RASGRP3: variants seen among roughly 807,000 people sequenced by gnomAD.
The protein encoded by RASGRP3 is RAS guanyl releasing protein 3.
A neutral mutation model predicts 82.7 loss-of-function variants in RASGRP3; 54 were observed. The observed-to-expected ratio is 0.65, with a 90% confidence interval of 0.52 to 0.82. The LOEUF (loss-of-function observed/expected upper bound fraction) is 0.82. Among genes scored for constraint, RASGRP3 ranks in the 40% least tolerant of loss-of-function variants. The pLI is 0.00. For missense variants in RASGRP3, 861 were observed against 828.9 expected (o/e 1.04, Z -0.48); for synonymous variants, 309 against 300.5 (o/e 1.03, Z -0.29).
chr2:33,553,053 C>G (rs1675523157), intron 14 of RASGRP3, among the ~76,000 whole-genome samples: 1 of 152,054 alleles, frequency 6.6e-6, no homozygotes, highest in Admixed American at 6.6e-5. Flanking sequence ...ATTAGCAAAC[C>G]TACCTCCCCA....
intron 2 of RASGRP3, among the ~76,000 whole-genome samples, chr2:33,468,143 G>T (rs1375290570): frequency 6.6e-6 from 1 of 150,850 alleles, no homozygotes; most frequent in African/African-American, 2.4e-5. Context: ...ATTTTAAAAA[G>T]ATCTCATTAA....
At chr2:33,436,356 C>G (rs1027066300) in exon 1 of RASGRP3, 1 of 152,202 alleles carries the variant, frequency 6.6e-6, no homozygotes, top group African/African-American at 2.4e-5. Flanking sequence ...TCATTGAGCT[C>G]AAAGCTTAGC....
chr2:33,465,991 G>T (rs562087992), intron 2 of RASGRP3, among the ~76,000 whole-genome samples: 3 of 150,682 alleles, frequency 2.0e-5, no homozygotes, highest in East Asian at 3.9e-4. Flanking sequence ...AAAAAAGGAA[G>T]GATTCCTTCT....
At chr2:33,555,868 A>C (rs933911929) in intron 15 of RASGRP3, among the ~76,000 whole-genome samples, 2 of 152,206 alleles carry the variant, frequency 1.3e-5, no homozygotes, top group African/African-American at 4.8e-5. Context: ...AAAATACTGA[A>C]TATAAGAACT....
At chr2:33,557,808 T>G (rs562034152) in intron 15 of RASGRP3, among the ~76,000 whole-genome samples, 75 of 152,160 alleles carry the variant, frequency 4.9e-4, no homozygotes, top group African/African-American at 1.8e-3. Flanking sequence ...AAGCTGAGGC[T>G]TCTTGCCCTA....
At chr2:33,485,423 G>A (rs535238019) in intron 1 of RASGRP3, among the ~76,000 whole-genome samples, 5 of 152,248 alleles carry the variant, frequency 3.3e-5, no homozygotes, top group Admixed American at 2.6e-4. Context: ...TTTTATTATT[G>A]AGGTGTTCTC....
At chr2:33,521,841 A>G in intron 6 of RASGRP3, 114 bp from the exon 7 acceptor site, 1 of 1,258,512 alleles carries the variant, frequency 7.9e-7, no homozygotes, top group East Asian at 2.4e-5. Context: ...CAGGGCATGT[A>G]TTTTGCACAA....
At chr2:33,519,884 G>T in intron 4 of RASGRP3, 68 bp from the exon 5 acceptor site, 2 of 1,091,890 alleles carry the variant, frequency 1.8e-6, no homozygotes, top group Non-Finnish European at 2.7e-6. Context: ...GGTATACATT[G>T]AGGGCACAGC....
intron 1 of RASGRP3, among the ~76,000 whole-genome samples, chr2:33,444,573 A>G (rs897213549): frequency 6.6e-6 from 1 of 152,198 alleles, no homozygotes; most frequent in Admixed American, 6.5e-5. Flanking sequence ...CAGCTCATAA[A>G]TAATGTGAAA....
At position 33,492,804 on chromosome 2, in the gene RASGRP3, C is replaced by G. The variant is rs977805576; in HGVS notation, c.-261+16097C>G. Among the ~76,000 whole-genome samples, 6 of 152,296 alleles carry G rather than the reference C, an allele frequency of 3.9e-5. No homozygotes were observed. In the South Asian group the frequency reaches 8.3e-4, roughly 21 times the overall value. ...ACAGGCCTCTACCCTGGAAGCTGCC[C>G]TGGCCCGTAATGTAGCTGTGCTCAT... On this transcript the variant is annotated intron_variant, in intron 1 of 17. Coordinates refer to ENST00000403687, the MANE Select transcript of RASGRP3 (RefSeq NM_001139488.2).
intron 2 of RASGRP3, among the ~76,000 whole-genome samples, chr2:33,450,979 A>G (rs944981930): frequency 1.3e-5 from 2 of 151,248 alleles, no homozygotes; most frequent in Non-Finnish European, 3.0e-5. Context: ...CTGGGACTAC[A>G]GGTGCCTGCC....
chr2:33,543,161 C>A (rs2151077310), intron 12 of RASGRP3, among the ~76,000 whole-genome samples: 1 of 152,122 alleles, frequency 6.6e-6, no homozygotes, highest in South Asian at 2.1e-4. Flanking sequence ...TATAGGCATG[C>A]ACCACCGTGC....
chr2:33,458,043 T>C (rs1666139174), intron 2 of RASGRP3: 1 of 152,172 alleles, frequency 6.6e-6, no homozygotes, highest in Non-Finnish European at 1.5e-5. Flanking sequence ...CTGGGGAGGT[T>C]GTGAAATAGC....
At chr2:33,465,769 G>T (rs1288582412) in intron 2 of RASGRP3, among the ~76,000 whole-genome samples, 1 of 152,232 alleles carries the variant, frequency 6.6e-6, no homozygotes, top group Non-Finnish European at 1.5e-5. Flanking sequence ...GCTGACTCTT[G>T]TTAGGGGCTA....
chr2:33,461,866 C>T (rs984591991), intron 2 of RASGRP3, among the ~76,000 whole-genome samples: 6 of 151,992 alleles, frequency 3.9e-5, no homozygotes, highest in East Asian at 3.9e-4. Flanking sequence ...CCAGAAAAGG[C>T]GTGGAATAAT....
At chr2:33,486,057 A>T (rs986845006) in intron 1 of RASGRP3, among the ~76,000 whole-genome samples, 2 of 152,212 alleles carry the variant, frequency 1.3e-5, no homozygotes, top group Non-Finnish European at 2.9e-5. Context: ...AGAATACAGG[A>T]TTTCCATGTA....
At chr2:33,442,304 C>T (rs1665267782) in intron 1 of RASGRP3, among the ~76,000 whole-genome samples, 1 of 152,168 alleles carries the variant, frequency 6.6e-6, no homozygotes, top group South Asian at 2.1e-4. Context: ...GCGGAGGTTG[C>T]AGTGAGCCAA....
intron 1 of RASGRP3, among the ~76,000 whole-genome samples, chr2:33,438,444 C>G (rs1665041739): frequency 6.6e-6 from 1 of 152,054 alleles, no homozygotes; most frequent in African/African-American, 2.4e-5. Context: ...TGCCTGTAAT[C>G]CTTGCTACTT....
intron 7 of RASGRP3, among the ~76,000 whole-genome samples, chr2:33,523,278 G>T: frequency 6.6e-6 from 1 of 152,056 alleles, no homozygotes. Flanking sequence ...CCTGGCCAAC[G>T]TGGTGAAACC....
Sources: gnomAD v4.1 joint callset for allele counts (sites outside exome capture counted in the v4.1 genomes callset) on GRCh38, gnomAD v4.1.1 for gene constraint, MANE v1.5 for transcripts, NCBI Gene and HGNC (gene_info 2026-07-23, HGNC 2026-07-21) for gene names.